CRACD: variants seen among roughly 807,000 people sequenced by gnomAD.
CRACD encodes the protein capping protein-inhibiting regulator of actin dynamics.
Under a neutral mutation model 106.8 loss-of-function variants are expected in CRACD, and 56 were observed. That is an observed-to-expected ratio of 0.52 (90% CI 0.42 to 0.66). The LOEUF (loss-of-function observed/expected upper bound fraction) is 0.66. Among genes scored for constraint, CRACD ranks in the 30% least tolerant of loss-of-function variants. CRACD has a pLI of 0.00. For synonymous variants in CRACD, 754 were observed against 670.8 expected (o/e 1.12, Z -1.92); for missense variants, 1,730 against 1,623.2 (o/e 1.07, Z -1.13).
In CRACD at chr4:56,135,682, A is replaced by C. The variant is rs567122913; in HGVS notation, c.-335-43602A>C. Among the ~76,000 whole-genome samples, 5 of 152,334 alleles carry C rather than the reference A, an allele frequency of 3.3e-5. No individual in the cohort carries two copies. The South Asian group carries it at 1.0e-3, about 32-fold the overall frequency. ...TGTTGAGTGGGTTGTGAATGAGGAA[A>C]TGTGGTTGAAGGGATAGTGAACAGT... is the stretch of plus-strand genomic sequence containing the variant. On this transcript the variant is annotated intron_variant, in intron 1 of 10. Transcript: ENST00000682029.
At chr4:56,135,920 C>T (rs1734984924) in intron 1 of CRACD, among the ~76,000 whole-genome samples, 1 of 152,208 alleles carries the variant, frequency 6.6e-6, no homozygotes, top group Admixed American at 6.5e-5. Flanking sequence ...TGAAACTCAT[C>T]CCGCCTTCTA....
chr4:56,154,519 TA>T (rs200337099), intron 1 of CRACD, among the ~76,000 whole-genome samples: 2 of 48,518 alleles, frequency 4.1e-5, no homozygotes, highest in East Asian at 1.5e-3. Flanking sequence ...TTTTATAAGC[TA>T]TTTTTTTTCT....
chr4:56,265,863 G>A (rs1741994138), intron 2 of CRACD, among the ~76,000 whole-genome samples: 2 of 152,090 alleles, frequency 1.3e-5, no homozygotes, highest in African/African-American at 4.8e-5. Flanking sequence ...CAGAGGAATT[G>A]GATGCTTTTA....
At chr4:56,142,269 A>G (rs1735229491) in intron 1 of CRACD, among the ~76,000 whole-genome samples, 1 of 152,224 alleles carries the variant, frequency 6.6e-6, no homozygotes, top group Admixed American at 6.5e-5. Context: ...ATATGATGTT[A>G]TCTAGTGACT....
At chr4:56,080,182 G>T (rs372956235) in intron 1 of CRACD, among the ~76,000 whole-genome samples, 1 of 152,018 alleles carries the variant, frequency 6.6e-6, no homozygotes, top group Non-Finnish European at 1.5e-5. Context: ...GTCTCTAAAA[G>T]TAAATAAATG....
chr4:56,068,186 C>G (rs1222121036), intron 1 of CRACD, among the ~76,000 whole-genome samples: 1 of 152,156 alleles, frequency 6.6e-6, no homozygotes, highest in Non-Finnish European at 1.5e-5. Flanking sequence ...CTCTGAGAAG[C>G]TGACATTCGA....
chr4:56,184,984 T>C (rs1308191985), intron 2 of CRACD, among the ~76,000 whole-genome samples: 6 of 152,042 alleles, frequency 3.9e-5, no homozygotes, highest in Non-Finnish European at 2.9e-5. Flanking sequence ...TGAGACGGAG[T>C]CTTGCTCAGT....
intron 2 of CRACD, among the ~76,000 whole-genome samples, chr4:56,187,070 G>T (rs201526954): frequency 7.4e-6 from 1 of 135,652 alleles, no homozygotes. Context: ...CCCTATCCAA[G>T]AAAAAAAAAA....
chr4:56,305,453 A>G (rs2109741029), intron 4 of CRACD, among the ~76,000 whole-genome samples: 1 of 152,150 alleles, frequency 6.6e-6, no homozygotes, highest in Non-Finnish European at 1.5e-5. Context: ...TGGGCCTGTT[A>G]CCTTGTTATT....
chr4:56,126,596 A>G (rs937219657), intron 1 of CRACD, among the ~76,000 whole-genome samples: 3 of 152,162 alleles, frequency 2.0e-5, no homozygotes, highest in African/African-American at 7.2e-5. Flanking sequence ...ATATCTTTGT[A>G]CTTTGAAATT....
intron 1 of CRACD, among the ~76,000 whole-genome samples, chr4:56,074,626 C>T (rs34796075): frequency 0.36 from 54,188 of 152,028 alleles, 10,207 homozygotes; most frequent in African/African-American, 0.48. Context: ...ATCATGTCAT[C>T]TGTAAACAGG....
chr4:56,050,384 A>G (rs1731837129), intron 1 of CRACD, among the ~76,000 whole-genome samples: 1 of 151,570 alleles, frequency 6.6e-6, no homozygotes. Context: ...CAGTTTTAGA[A>G]AAAGATTCTT....
chr4:56,147,896 T>G (rs1735443402), intron 1 of CRACD, among the ~76,000 whole-genome samples: 1 of 152,238 alleles, frequency 6.6e-6, no homozygotes, highest in South Asian at 2.1e-4. Flanking sequence ...CATGACTGTA[T>G]TTTGAGATGG....
intron 2 of CRACD, among the ~76,000 whole-genome samples, chr4:56,259,692 G>C (rs1216103461): frequency 6.6e-6 from 1 of 152,104 alleles, no homozygotes; most frequent in Non-Finnish European, 1.5e-5. Context: ...TAGTTCCAAA[G>C]GGAGGGACAG....
Position 56,072,975 on chromosome 4 carries a change from T to C in CRACD, c.-336+23676T>C, listed in dbSNP as rs568404235. ...GCTGCATAGTATGCCATGTTGTGTA[T>C]GTGCCACATTTTCTTTATCCAGTCT... On this transcript the variant is annotated intron_variant, in intron 1 of 10. Coordinates refer to ENST00000682029, the MANE Select transcript of CRACD (RefSeq NM_001393381.1). Among the ~76,000 whole-genome samples the C allele has an allele frequency of 1.9e-3, 285 of 152,352 alleles. 1 individual carries two copies. Among genetic ancestry groups the C allele is most frequent in the Admixed American group, 4.1e-3 (63 of 15,310 alleles).
rs371235345 is a variant in CRACD at position 56,316,724 on chromosome 4, C to T, written c.3187+35C>T. The T allele has an allele frequency of 2.7e-4, 424 of 1,573,958 alleles. 6 individuals are homozygous for T. The highest frequency in any genetic ancestry group is 2.7e-4 in the Non-Finnish European group (313 of 1,157,138). On this transcript the variant is annotated intron_variant, in intron 8 of 10. Transcript: ENST00000682029. ...TGCAGGGTGGGTAACTGCTGCCAGC[C>T]GAGGTGTCAGAGCCAGGGCATCAAG...
At chr4:56,138,182 G>T (rs1735070512) in intron 1 of CRACD, among the ~76,000 whole-genome samples, 1 of 152,128 alleles carries the variant, frequency 6.6e-6, no homozygotes, top group East Asian at 1.9e-4. Flanking sequence ...TATTAAATCT[G>T]GCTGGGTGTG....
At chr4:56,052,490 T>A (rs1472087253) in intron 1 of CRACD, among the ~76,000 whole-genome samples, 1 of 152,220 alleles carries the variant, frequency 6.6e-6, no homozygotes, top group East Asian at 1.9e-4. Flanking sequence ...TTCAAATGGT[T>A]TACAACATCA....
intron 1 of CRACD, among the ~76,000 whole-genome samples, chr4:56,173,917 C>G (rs1001190242): frequency 1.6e-4 from 24 of 152,170 alleles, no homozygotes; most frequent in African/African-American, 4.3e-4. Context: ...AATGGCCATC[C>G]TAGTAGGTGT....
Sources: allele counts gnomAD v4.1 joint callset (sites outside exome capture counted in the v4.1 genomes callset), GRCh38; gene constraint gnomAD v4.1.1; transcripts MANE v1.5; gene names NCBI Gene and HGNC (gene_info 2026-07-23, HGNC 2026-07-21).